The following PHLPP2 variants were observed in gnomAD, a reference collection of about 807,000 sequenced individuals.
The protein encoded by PHLPP2 is PH domain leucine-rich repeat-containing protein phosphatase 2.
A neutral mutation model predicts 124.9 loss-of-function variants in PHLPP2; 66 were observed. The observed-to-expected ratio is 0.53, with a 90% CI of 0.43 to 0.65. The LOEUF is 0.65. PHLPP2 is among the 30% of genes least tolerant of loss of function. The pLI, the probability that PHLPP2 is intolerant of heterozygous loss-of-function variation, is 0.00. For synonymous variants in PHLPP2, 681 were observed against 624.7 expected (o/e 1.09, Z -1.34); for missense variants, 1,685 against 1,600.4 (o/e 1.05, Z -0.90).
In PHLPP2 at chr16:71,649,812, G is replaced by T. The variant is rs374864964; in HGVS notation, c.3050C>A (p.Ala1017Glu). The T allele has an allele frequency of 1.2e-6, 2 of 1,614,090 alleles. No homozygotes were observed. Among genetic ancestry groups the T allele is most frequent in the Non-Finnish European group, 1.7e-6 (2 of 1,179,932 alleles). ...LAAAKKLCTLAQSYGCQDNVG... is the reference protein window; with the variant it reads ...LAAAKKLCTLEQSYGCQDNVG... ...ATTGTCCTGACAGCCATAGCTCTGC[G>T]CTAATGTGCACAGCTTCTTAGCAGC... The change falls in exon 19 of 19, where the codon GCG becomes GAG. Residue 1017 changes from alanine to glutamate, a missense_variant. Coordinates refer to ENST00000568954, the MANE Select transcript of PHLPP2 (RefSeq NM_015020.3).
chr16:71,692,973 C>A (rs1463358679), intron 3 of PHLPP2, among the ~76,000 whole-genome samples: 2 of 152,104 alleles, frequency 1.3e-5, no homozygotes, highest in Admixed American at 1.3e-4. Context: ...ATATCTCCAA[C>A]TACATGTTTA....
At chr16:71,705,753 G>C (rs1400663418) in intron 2 of PHLPP2, among the ~76,000 whole-genome samples, 1 of 152,108 alleles carries the variant, frequency 6.6e-6, no homozygotes, top group East Asian at 1.9e-4. Flanking sequence ...CTCATGATCT[G>C]CCCGCCTTGG....
rs142034690 is a variant in PHLPP2, at chr16:71,676,513, G to A, written c.1405C>T (p.Arg469Trp). The A allele has an allele frequency of 6.8e-6, 11 of 1,613,998 alleles. No homozygotes were observed. Among genetic ancestry groups the A allele is most frequent in the Admixed American group, 1.7e-5 (1 of 60,012 alleles). ...LCSLEQLHCG[R>W]NQLRELTLSG... ...AGTGTTAGCTCCCTCAGCTGATTCC[G>A]CCCACAGTGCAGCTGTTCCAAGCTG... is the stretch of plus-strand genomic sequence containing the variant. The change falls in exon 9 of 19, where the codon CGG becomes TGG. Residue 469 changes from arginine (R) to tryptophan (W), a missense_variant. Transcript: ENST00000568954.
intron 16 of PHLPP2, 27 bp downstream of exon 16, chr16:71,656,544 C>T (rs1395745118): frequency 2.9e-6 from 4 of 1,382,928 alleles, no homozygotes; most frequent in South Asian, 2.4e-5. Flanking sequence ...TTTTTTCTTT[C>T]TCAGTCTCCA....
rs1032583249 is a variant in PHLPP2 at position 71,672,252 on chromosome 16, A to G, written c.1532+10T>C. 1 of 1,608,052 alleles carries G rather than the reference A, an allele frequency of 6.2e-7. No individual in the cohort carries two copies. Among genetic ancestry groups the G allele is most frequent in the Non-Finnish European group, 8.5e-7 (1 of 1,174,600 alleles). On this transcript the variant is annotated intron_variant, in intron 10 of 18. Transcript: ENST00000568954. ...AAGAAGCAAGCGCCACCCTCATGAA[A>G]GACACTCACCGGGAGAGATCCAAGA...
In PHLPP2 at chr16:71,667,198, G is replaced by A. The variant is rs1481195329; in HGVS notation, c.1764C>T (p.Thr588=). Reference sequence around the variant, plus strand: ...CTTACTTTAAGGCCTTGGAGAAGAGGGTGTCTGGCAGCCTCGTGAGTGCAT... The same window carrying A: ...CTTACTTTAAGGCCTTGGAGAAGAGAGTGTCTGGCAGCCTCGTGAGTGCAT... ...QHNALTRLPD[T]LFSKALNLRY... The change falls in exon 12 of 19, where the codon ACC becomes ACT. Residue 588 remains threonine (T), a synonymous_variant. Coordinates refer to ENST00000568954, the MANE Select transcript of PHLPP2 (RefSeq NM_015020.3). The A allele has an allele frequency of 1.2e-6, 2 of 1,613,156 alleles. No homozygotes were observed. The highest frequency in any genetic ancestry group is 1.7e-5 in the Admixed American group (1 of 59,820).
chr16:71,647,902 G>C lies in PHLPP2; in HGVS notation c.*988C>G, dbSNP rs1321333223. 6.6e-6 allele frequency: 1 copy of C among 152,538 alleles called. No individual in the cohort carries two copies. 9.4% of individuals were successfully genotyped at this position (152,538 alleles called of 1,614,324 possible). ...GGGCCCTTCCTATACCCTCGAATAA[G>C]TCTCCAACACCCAGTTCTCTCTCTG... On this transcript the variant is annotated 3_prime_UTR_variant, in exon 19 of 19. Transcript: ENST00000568954.
At chr16:71,716,550 T>G (rs1321047214) in intron 1 of PHLPP2, among the ~76,000 whole-genome samples, 2 of 152,260 alleles carry the variant, frequency 1.3e-5, no homozygotes, top group African/African-American at 2.4e-5. Flanking sequence ...ATTTCTGTTC[T>G]TTTTGATAAA....
At chr16:71,677,702 G>C (rs1238968064) in intron 8 of PHLPP2, 1 of 150,050 alleles carries the variant, frequency 6.7e-6, no homozygotes, top group African/African-American at 2.4e-5. Context: ...AGAACATCCA[G>C]TAGGTGTCTT....
rs111473484 is a variant in PHLPP2, at chr16:71,667,775, C to T, written c.1629-442G>A. On this transcript the variant is annotated intron_variant, in intron 11 of 18. Transcript: ENST00000568954. ...ACAATGAAGTTAATTCAGAAAGGTT[C>T]AGTAACTTTGATTTGCCTAAGATTT... Among the ~76,000 whole-genome samples, 1,250 of 152,296 alleles carry T rather than the reference C, an allele frequency of 8.2e-3. 27 individuals carry two copies. Among genetic ancestry groups the T allele is most frequent in the African/African-American group, 0.029 (1,188 of 41,556 alleles).
chr16:71,670,668 G>A (rs1164520329), intron 10 of PHLPP2, among the ~76,000 whole-genome samples: 1 of 123,688 alleles, frequency 8.1e-6, no homozygotes, highest in Non-Finnish European at 1.6e-5. Context: ...CAAAGTATGT[G>A]TACAGACTAA....
At chr16:71,711,120 A>G (rs1248737866) in intron 2 of PHLPP2, among the ~76,000 whole-genome samples, 1 of 152,218 alleles carries the variant, frequency 6.6e-6, no homozygotes, top group Non-Finnish European at 1.5e-5. Context: ...ACCTGAGGTC[A>G]GGAATTTGAG....
At chr16:71,653,099 CTTTTT>C (rs11298836) in intron 17 of PHLPP2, 78 bp from the exon 18 acceptor site, 2,039 of 541,210 alleles carry the variant, frequency 3.8e-3, no homozygotes, top group East Asian at 5.0e-3. Flanking sequence ...TACATCCCTT[CTTTTT>C]TTTTTTTTTT....
chr16:71,708,099 T>C (rs578019790), intron 2 of PHLPP2, among the ~76,000 whole-genome samples: 12 of 152,162 alleles, frequency 7.9e-5, no homozygotes, highest in Non-Finnish European at 1.6e-4. Flanking sequence ...GAAGCAGCCC[T>C]GAGAAACATC....
In PHLPP2 at chr16:71,676,560, T is replaced by A; in HGVS notation, c.1358A>T (p.Asp453Val). The change falls in exon 9 of 19, where the codon GAC (aspartate) becomes GTC (valine). Residue 453 changes from aspartate to valine, a missense_variant. Physicochemically the swap from Asp to Val is radical, Grantham distance 152 (BLOSUM62 -3). Transcript: ENST00000568954. ...HVDLRDNRLT[D>V]LDLSSLCSLE... The stretch of plus-strand genomic sequence containing the variant: ...GCTGCATAAGGAGCTAAGATCCAAG[T>A]CAGTCAGTCGGTTGTCCCGCAGATC... 6.2e-7 allele frequency: 1 copy of A among 1,613,942 alleles called. No homozygotes were observed. The highest frequency in any genetic ancestry group is 8.5e-7 in the Non-Finnish European group (1 of 1,179,772).
rs529512277 is a variant in PHLPP2 at position 71,660,486 on chromosome 16, C to T, written c.1986-1671G>A. On this transcript the variant is annotated intron_variant, in intron 13 of 18. Transcript: ENST00000568954. ...TGTTGCCCAGGCTGGAGTGCAGTGG[C>T]GCAATCTTGGCTCGCTGCAACCTCT... Among the ~76,000 whole-genome samples, 11 of 125,844 alleles carry T rather than the reference C, an allele frequency of 8.7e-5. No individual in the cohort carries two copies. In the South Asian group the frequency reaches 2.1e-3, roughly 24 times the overall value. 82.6% of individuals were successfully genotyped at this position (125,844 alleles called of 152,430 possible). A position where few individuals can be genotyped will look rare whatever the true frequency, so the allele number is the denominator to read the frequency against.
intron 1 of PHLPP2, among the ~76,000 whole-genome samples, chr16:71,719,107 C>G (rs953631527): frequency 1.3e-5 from 2 of 152,218 alleles, no homozygotes; most frequent in African/African-American, 2.4e-5. Flanking sequence ...CACCATTCTA[C>G]TGGAATTGCT....
intron 9 of PHLPP2, among the ~76,000 whole-genome samples, chr16:71,674,203 G>A (rs533292378): frequency 5.1e-4 from 77 of 151,532 alleles, no homozygotes; most frequent in Middle Eastern, 3.4e-3. Flanking sequence ...TTAGCCTCCC[G>A]AATAGCTGGG....
chr16:71,656,843 C>T (rs917454732), intron 15 of PHLPP2, among the ~76,000 whole-genome samples, 162 bp from the exon 16 acceptor site: 2 of 151,632 alleles, frequency 1.3e-5, no homozygotes, highest in African/African-American at 2.4e-5. Context: ...TGCTGCCTCC[C>T]GGTTCAAGCA....
Sources: allele counts gnomAD v4.1 joint callset (sites outside exome capture counted in the v4.1 genomes callset), GRCh38; gene constraint gnomAD v4.1.1; transcripts MANE v1.5; gene names NCBI Gene and HGNC (gene_info 2026-07-23, HGNC 2026-07-21).